OCM: variants seen among roughly 807,000 people sequenced by gnomAD.
The protein encoded by OCM is oncomodulin.
OCM carries 18 observed loss-of-function variants against 14.1 expected under a neutral mutation model. The ratio of observed to expected loss-of-function variants is 1.28; its 90% confidence interval spans 0.88 to 1.89. The LOEUF (loss-of-function observed/expected upper bound fraction) is 1.89, where lower values mean the gene tolerates loss of function less well. Ranked by LOEUF, OCM falls within the 40% of genes most tolerant of loss-of-function variation. OCM has a pLI of 0.00. For synonymous variants in OCM, 48 were observed against 51.0 expected (o/e 0.94, Z 0.25); for missense variants, 140 against 137.6 (o/e 1.02, Z -0.09).
the OCM span, among the ~76,000 whole-genome samples, chr7:5,869,931 A>G: frequency 6.6e-6 from 1 of 152,114 alleles, no homozygotes; most frequent in Non-Finnish European, 1.5e-5. Flanking sequence ...TGTGAATTGC[A>G]AGTGAAACTG....
the OCM span, among the ~76,000 whole-genome samples, chr7:5,867,750 C>T: frequency 1.2e-4 from 18 of 150,930 alleles, 1 homozygote; most frequent in East Asian, 3.1e-3. Flanking sequence ...TGGGAGGGGA[C>T]TGGTTCTGTT....
the OCM span, among the ~76,000 whole-genome samples, chr7:5,872,964 A>C: frequency 6.6e-6 from 1 of 152,100 alleles, no homozygotes. Flanking sequence ...GCACTTTGGG[A>C]GGCCAAGAAG....
chr7:5,878,089 G>T (rs1781131652), upstream of OCM, among the ~76,000 whole-genome samples: 1 of 150,452 alleles, frequency 6.6e-6, no homozygotes, highest in South Asian at 2.1e-4. Flanking sequence ...TCCTGCCTCA[G>T]CCTCCCAAGT....
the OCM span, among the ~76,000 whole-genome samples, chr7:5,860,713 T>A: frequency 3.5e-5 from 5 of 141,556 alleles, no homozygotes; most frequent in African/African-American, 7.8e-5. Flanking sequence ...TATATACGTG[T>A]ATATATACGT....
At position 5,886,166 on chromosome 7, in the gene OCM, C is replaced by T. The variant is rs1375966773; in HGVS notation, c.*77C>T. 1 of 1,381,744 alleles carries T rather than the reference C, an allele frequency of 7.2e-7. No homozygotes were observed. Among genetic ancestry groups the T allele is most frequent in the African/African-American group, 1.4e-5 (1 of 69,632 alleles). 85.6% of individuals were successfully genotyped at this position (1,381,744 alleles called of 1,614,324 possible). A position where few individuals can be genotyped will look rare whatever the true frequency, so the allele number is the denominator to read the frequency against. ...TCCAAAGCCCTGGGAATGGGGAACC[C>T]CACATCCCATCCCTACCTAATTTGT... On this transcript the variant is annotated 3_prime_UTR_variant, in exon 4 of 4. Transcript: ENST00000242104.
intron 3 of OCM, among the ~76,000 whole-genome samples, chr7:5,884,455 A>G (rs1016344244): frequency 6.6e-6 from 1 of 152,210 alleles, no homozygotes; most frequent in African/African-American, 2.4e-5. Flanking sequence ...AATATATTTT[A>G]TTGGACATTA....
At chr7:5,866,028 C>T in the OCM span, among the ~76,000 whole-genome samples, 1 of 151,754 alleles carries the variant, frequency 6.6e-6, no homozygotes. Flanking sequence ...TACAAAAGTC[C>T]AGTATTTTTC....
At chr7:5,875,064 T>TC (rs1781067849), upstream of OCM, among the ~76,000 whole-genome samples, 1 of 150,696 alleles carries the variant, frequency 6.6e-6, no homozygotes, top group East Asian at 1.9e-4. Flanking sequence ...ATGTATTTTT[T>TC]TTTTTTTTGA....
Position 5,882,611 on chromosome 7 carries a change from T to G in OCM, c.180T>G (p.Asp60Glu). The change falls in exon 2 of 4, where the codon GAT (aspartate) becomes GAG (glutamate). Residue 60 changes from aspartate to glutamate, a missense_variant. Coordinates refer to ENST00000242104, the MANE Select transcript of OCM (RefSeq NM_001097622.2). Reference sequence around the variant, plus strand: ...ACAACGACCAGAGCGGGTACCTGGATGAAGAAGAGCTTAAGTAAGCTTTGT... The same window carrying G: ...ACAACGACCAGAGCGGGTACCTGGAGGAAGAAGAGCTTAAGTAAGCTTTGT... ...FIDNDQSGYL[D>E]EEELKFFLQK... 1 of 1,614,106 alleles carries G rather than the reference T, an allele frequency of 6.2e-7. No individual in the cohort carries two copies. The highest frequency in any genetic ancestry group is 8.5e-7 in the Non-Finnish European group (1 of 1,180,016).
chr7:5,860,849 C>T, the OCM span, among the ~76,000 whole-genome samples: 2 of 138,686 alleles, frequency 1.4e-5, no homozygotes, highest in African/African-American at 2.5e-5. Context: ...TATACACATA[C>T]ATATACATAT....
At position 5,882,364 on chromosome 7, in the gene OCM, C is replaced by G. The variant is rs1009739846; in HGVS notation, c.62-129C>G. ...GTCTTGGCTGTCCCAAAATCTTGGA[C>G]CAGTTGAGCATCCCCGTAGCTCAGG... On this transcript the variant is annotated intron_variant, in intron 1 of 3. Transcript: ENST00000242104. 25 of 1,111,842 alleles carry G rather than the reference C, an allele frequency of 2.2e-5. No individual in the cohort carries two copies. In the African/African-American group the frequency reaches 3.7e-4, roughly 17 times the overall value. The allele number at this position is 1,111,842 out of a possible 1,614,324, so 68.9% of individuals were successfully genotyped here.
At chr7:5,876,997 G>T (rs1781108685), upstream of OCM, among the ~76,000 whole-genome samples, 1 of 152,024 alleles carries the variant, frequency 6.6e-6, no homozygotes, top group Non-Finnish European at 1.5e-5. Context: ...TAGAGACGGG[G>T]GTTTCTCCAC....
chr7:5,886,045 C>T lies in OCM; in HGVS notation c.305-19C>T, dbSNP rs1351681291. Reference sequence around the variant, plus strand: ...CCAAGCCACCTCCACTGACCCTGTTCTCACCTCTTCTGTTCTAGAATTCCA... The same window carrying T: ...CCAAGCCACCTCCACTGACCCTGTTTTCACCTCTTCTGTTCTAGAATTCCA... On this transcript the variant is annotated intron_variant, in intron 3 of 3. Transcript: ENST00000242104. 4.3e-6 allele frequency: 7 copies of T among 1,614,004 alleles called. No individual in the cohort carries two copies. The African/African-American group carries it at 8.0e-5, about 18-fold the overall frequency.
upstream of OCM, among the ~76,000 whole-genome samples, chr7:5,876,939 G>A (rs1009187484): frequency 5.9e-5 from 9 of 151,950 alleles, no homozygotes; most frequent in African/African-American, 1.7e-4. Flanking sequence ...TCAAGTAGCC[G>A]AGATTACAGG....
chr7:5,874,223 CAAAAAAAAAAAAAAAAA>C, the OCM span, among the ~76,000 whole-genome samples: 3 of 31,494 alleles, frequency 9.5e-5, no homozygotes, highest in African/African-American at 2.3e-4. Flanking sequence ...GACTCTGTCT[CAAAAAAAAAAAAAAAAA>C]AAAAAAAAAA....
chr7:5,870,474 C>T, the OCM span, among the ~76,000 whole-genome samples: 10 of 152,156 alleles, frequency 6.6e-5, no homozygotes, highest in Admixed American at 5.9e-4. Context: ...CAGAACAAGT[C>T]CTTATTCATA....
chr7:5,875,984 C>T (rs779351698), upstream of OCM, among the ~76,000 whole-genome samples: 2 of 152,084 alleles, frequency 1.3e-5, no homozygotes, highest in South Asian at 2.1e-4. Flanking sequence ...CACAGGCATG[C>T]GCCACCATGC....
chr7:5,880,969 G>C lies in OCM; in HGVS notation c.61+19G>C, dbSNP rs369332183. 16 of 1,608,914 alleles carry C rather than the reference G, an allele frequency of 9.9e-6. No individual in the cohort carries two copies. The highest frequency in any genetic ancestry group is 1.1e-5 in the South Asian group (1 of 90,960). ...TGCCGAGGTAGAGGGGACGTGAGGC[G>C]GGGGTGGGATTTCCTCACAGCTTTG... On this transcript the variant is annotated intron_variant, in intron 1 of 3. Coordinates refer to ENST00000242104, the MANE Select transcript of OCM (RefSeq NM_001097622.2).
the OCM span, among the ~76,000 whole-genome samples, chr7:5,865,169 G>GTAGT: frequency 1.0e-3 from 157 of 151,902 alleles, 1 homozygote; most frequent in Admixed American, 1.2e-3. Flanking sequence ...TTCCTGGCCA[G>GTAGT]CGTCGGGGCC....
Sources: allele counts gnomAD v4.1 joint callset (sites outside exome capture counted in the v4.1 genomes callset), GRCh38; gene constraint gnomAD v4.1.1; transcripts MANE v1.5; gene names NCBI Gene and HGNC (gene_info 2026-07-23, HGNC 2026-07-21).